FOLH1: variants seen among roughly 807,000 people sequenced by gnomAD.
FOLH1 encodes the protein glutamate carboxypeptidase 2.
FOLH1 carries 54 observed loss-of-function variants against 93.9 expected under a neutral mutation model. The observed-to-expected ratio is 0.57, with a 90% CI of 0.46 to 0.72. FOLH1 has a LOEUF of 0.72. Ranked by LOEUF, FOLH1 falls within the 30% of genes least tolerant of loss-of-function variation. The probability of loss-of-function intolerance (pLI) is 0.00; values close to 1 mark genes in which losing one functional copy is unlikely to be tolerated. For missense variants in FOLH1, 571 were observed against 892.5 expected (o/e 0.64, Z 4.59); for synonymous variants, 249 against 303.6 (o/e 0.82, Z 1.87).
intron 15 of FOLH1, 146 bp from the exon 16 acceptor site, chr11:49,154,638 G>T: frequency 1.4e-6 from 2 of 1,444,128 alleles, no homozygotes; most frequent in Non-Finnish European, 1.8e-6. Flanking sequence ...ATCCTAAATG[G>T]CTAATATTAT....
intron 13 of FOLH1, among the ~76,000 whole-genome samples, chr11:49,160,724 G>A (rs951058530): frequency 1.6e-4 from 24 of 152,120 alleles, no homozygotes; most frequent in African/African-American, 5.8e-4. Context: ...TTACAGGTGT[G>A]AGCCACCACA....
intron 7 of FOLH1, among the ~76,000 whole-genome samples, chr11:49,177,369 T>C (rs2135126374): frequency 1.3e-5 from 2 of 152,094 alleles, no homozygotes; most frequent in Non-Finnish European, 2.9e-5. Context: ...GCACAATACA[T>C]AGCCAAAACA....
chr11:49,170,911 T>C (rs1356089525), intron 11 of FOLH1, among the ~76,000 whole-genome samples: 1 of 152,196 alleles, frequency 6.6e-6, no homozygotes, highest in African/African-American at 2.4e-5. Context: ...ATGTTTGGTT[T>C]CTAGCATATC....
intron 13 of FOLH1, among the ~76,000 whole-genome samples, chr11:49,159,294 G>A (rs999786370): frequency 6.6e-6 from 1 of 152,030 alleles, no homozygotes; most frequent in African/African-American, 2.4e-5. Flanking sequence ...ATTATTTTGA[G>A]GTTTGCTCCT....
chr11:49,199,134 C>T (rs1472589995), intron 3 of FOLH1, among the ~76,000 whole-genome samples: 1 of 152,082 alleles, frequency 6.6e-6, no homozygotes, highest in African/African-American at 2.4e-5. Context: ...AATCACATGA[C>T]ATTTTCAGTT....
rs1161129129 is a variant in FOLH1, at chr11:49,186,835, A to G, written c.514-66T>C. On this transcript the variant is annotated intron_variant, in intron 4 of 18. Transcript: ENST00000256999. ...AACAAGGAGGTTTTTCTGCATGGGG[A>G]CTGTTGGACATTTTTGAAAGAGGGA... 4.7e-6 allele frequency: 7 copies of G among 1,502,302 alleles called. No individual in the cohort carries two copies. In the East Asian group the frequency reaches 1.7e-4, roughly 36 times the overall value. The allele number at this position is 1,502,302 out of a possible 1,614,324, so 93.1% of individuals were successfully genotyped here. A position where few individuals can be genotyped will look rare whatever the true frequency, so the allele number is the denominator to read the frequency against.
chr11:49,203,971 T>A (rs1279642012), intron 2 of FOLH1, among the ~76,000 whole-genome samples: 1 of 152,160 alleles, frequency 6.6e-6, no homozygotes, highest in East Asian at 1.9e-4. Flanking sequence ...GAATGCAGAC[T>A]CCAGGGAGAA....
rs553713122 is a variant in FOLH1, at chr11:49,208,423, G to A, written c.-14C>T. 7 of 1,575,518 alleles carry A rather than the reference G, an allele frequency of 4.4e-6. No homozygotes were observed. In the South Asian group the frequency reaches 4.6e-5, roughly 10 times the overall value. ...GAGATTCCACATCTCGGCGCGAGCA[G>A]AGCCGGCCTCCCGGGACCCGCGCCT... On this transcript the variant is annotated 5_prime_UTR_variant, in exon 1 of 19. Coordinates refer to ENST00000256999, the MANE Select transcript of FOLH1 (RefSeq NM_004476.3).
At chr11:49,151,180 T>A (rs1036957757) in intron 17 of FOLH1, among the ~76,000 whole-genome samples, 7 of 152,172 alleles carry the variant, frequency 4.6e-5, no homozygotes, top group African/African-American at 1.7e-4. Context: ...ATAATTTGGA[T>A]TTGAGCTATT....
At chr11:49,171,648 T>A (rs928985480) in intron 10 of FOLH1, among the ~76,000 whole-genome samples, 38 of 152,064 alleles carry the variant, frequency 2.5e-4, no homozygotes, top group African/African-American at 9.2e-4. Flanking sequence ...TGAAAGAAAA[T>A]CCTTTAGAAC....
intron 9 of FOLH1, among the ~76,000 whole-genome samples, chr11:49,174,567 TA>T (rs966828466): frequency 1.6e-4 from 24 of 152,098 alleles, no homozygotes; most frequent in Admixed American, 9.2e-4. Flanking sequence ...AAAAATATGG[TA>T]AAAAAAAATT....
chr11:49,196,274 T>C (rs1326441334), intron 3 of FOLH1, among the ~76,000 whole-genome samples: 1 of 152,086 alleles, frequency 6.6e-6, no homozygotes, highest in Non-Finnish European at 1.5e-5. Flanking sequence ...TAACAAACAA[T>C]AAAAATTGTT....
chr11:49,153,784 T>G, intron 17 of FOLH1, 62 bp downstream of exon 17: 4 of 1,119,454 alleles, frequency 3.6e-6, no homozygotes, highest in Non-Finnish European at 4.8e-6. Context: ...CATGTTAGTT[T>G]ACTTTTAAAT....
At chr11:49,158,700 G>C (rs1400326807) in intron 13 of FOLH1, among the ~76,000 whole-genome samples, 1 of 152,088 alleles carries the variant, frequency 6.6e-6, no homozygotes, top group African/African-American at 2.4e-5. Flanking sequence ...GAATAGCACT[G>C]AATCTATAAA....
intron 2 of FOLH1, among the ~76,000 whole-genome samples, chr11:49,201,431 T>G (rs1863244716): frequency 6.8e-6 from 1 of 148,036 alleles, no homozygotes; most frequent in African/African-American, 2.4e-5. Flanking sequence ...CCATGTATTT[T>G]AATTTTTTTT....
At position 49,183,139 on chromosome 11, in the gene FOLH1, AC is replaced by A. The variant is rs1565184920; in HGVS notation, c.920+9del. 6.3e-7 allele frequency: 1 copy of A among 1,590,536 alleles called. No individual in the cohort carries two copies. The highest frequency in any genetic ancestry group is 1.4e-5 in the African/African-American group (1 of 73,840). Reference sequence around the variant, plus strand: ...CCCAAATAGCCATCCATGGTTTCTTACAAACTTACTCTAGGAGCTTCTGTGC... The same window carrying A: ...CCCAAATAGCCATCCATGGTTTCTTAAAACTTACTCTAGGAGCTTCTGTGC... On this transcript the variant is annotated intron_variant, in intron 7 of 18. Coordinates refer to ENST00000256999, the MANE Select transcript of FOLH1 (RefSeq NM_004476.3).
chr11:49,181,952 A>T (rs1300557632), intron 7 of FOLH1, among the ~76,000 whole-genome samples: 2 of 152,290 alleles, frequency 1.3e-5, no homozygotes, highest in Admixed American at 6.5e-5. Context: ...GCTTGAACTT[A>T]AAGAAGAAAA....
chr11:49,155,128 T>C (rs974571346), intron 15 of FOLH1, among the ~76,000 whole-genome samples: 2 of 152,098 alleles, frequency 1.3e-5, no homozygotes, highest in Admixed American at 6.6e-5. Context: ...AAGATGCTTA[T>C]TTTTTATTAT....
At chr11:49,177,893 G>A (rs1860273588) in intron 7 of FOLH1, among the ~76,000 whole-genome samples, 1 of 151,476 alleles carries the variant, frequency 6.6e-6, no homozygotes, top group South Asian at 2.1e-4. Flanking sequence ...AACCTGGGAG[G>A]TAGAGATTGC....
Sources: gnomAD v4.1 joint callset for allele counts (sites outside exome capture counted in the v4.1 genomes callset) on GRCh38, gnomAD v4.1.1 for gene constraint, MANE v1.5 for transcripts, NCBI Gene and HGNC (gene_info 2026-07-23, HGNC 2026-07-21) for gene names.